Variants in HBP1 observed in about 807,000 individuals in gnomAD.
HBP1 encodes the protein HMG-box transcription factor 1.
HBP1 carries 20 observed loss-of-function variants against 62.6 expected under a neutral mutation model. The ratio of observed to expected loss-of-function variants is 0.32; its 90% CI spans 0.22 to 0.46. The LOEUF (loss-of-function observed/expected upper bound fraction) is 0.46. HBP1 is among the 20% of genes least tolerant of loss of function. HBP1 has a pLI of 1.00. For missense variants in HBP1, 480 were observed against 611.8 expected, an observed-to-expected ratio of 0.78 and a Z score of 2.27; for synonymous variants, 232 against 206.2, an observed-to-expected ratio of 1.12 and a Z score of -1.07.
chr7:107,184,430 T>C (rs1797253054), intron 3 of HBP1, among the ~76,000 whole-genome samples: 1 of 152,178 alleles, frequency 6.6e-6, no homozygotes, highest in South Asian at 2.1e-4. Context: ...AAAATGTTAA[T>C]GAGGATAAGG....
At chr7:107,171,097 G>C (rs1223571992) in intron 1 of HBP1, among the ~76,000 whole-genome samples, 2 of 86,444 alleles carry the variant, frequency 2.3e-5, no homozygotes, top group Non-Finnish European at 3.7e-5. Context: ...TTGAGAGGGA[G>C]TCTCGCTCTG....
intron 1 of HBP1, among the ~76,000 whole-genome samples, chr7:107,178,534 G>A (rs1796964531): frequency 1.3e-5 from 2 of 152,060 alleles, no homozygotes; most frequent in South Asian, 4.1e-4. Flanking sequence ...TAATTTTGTA[G>A]GCTTGCAGGT....
At chr7:107,175,676 A>C (rs1449813463) in intron 1 of HBP1, among the ~76,000 whole-genome samples, 1 of 148,512 alleles carries the variant, frequency 6.7e-6, no homozygotes, top group African/African-American at 2.5e-5. Flanking sequence ...ATATGAGTTT[A>C]CTCATGTGAG....
At position 107,195,863 on chromosome 7, in the gene HBP1, C is replaced by T; in HGVS notation, c.1097C>T (p.Ala366Val). Residue 366 changes from alanine (A) to valine (V), a missense_variant, in exon 9 of 11, where the codon GCA becomes GTA. Physicochemically the swap from Ala to Val is moderately conservative, Grantham distance 64. This residue lies in a region of HBP1 where 58 missense variants were observed against 128.5 expected (regional missense o/e 0.45). Coordinates refer to ENST00000222574, the MANE Select transcript of HBP1 (RefSeq NM_012257.4). ...SYDFTPMDSS[A>V]VYVLSSMARQ... ...GACTTCACACCTATGGATTCTTCTG[C>T]AGTTTATGTGTTAAGTAGTATGGCT... 6.2e-7 allele frequency: 1 copy of T among 1,602,824 alleles called. No homozygotes were observed. Among genetic ancestry groups the T allele is most frequent in the Non-Finnish European group, 8.5e-7 (1 of 1,170,566 alleles).
chr7:107,170,141 A>G lies in HBP1; in HGVS notation c.-16+956A>G, dbSNP rs998080115. On this transcript the variant is annotated intron_variant, in intron 1 of 10. Coordinates refer to ENST00000222574, the MANE Select transcript of HBP1 (RefSeq NM_012257.4). ...AGCACTGACAGCGAGGTAATACTCA[A>G]GTTTTCTGTTTGTTTTGTTTTTGGC... The G allele has an allele frequency of 2.5e-5, 25 of 985,222 alleles. No homozygotes were observed. In the East Asian group the frequency reaches 4.5e-4, roughly 18 times the overall value. The allele number at this position is 985,222 out of a possible 1,614,324, so 61.0% of individuals were successfully genotyped here.
At chr7:107,186,052 AT>A in intron 4 of HBP1, 110 bp downstream of exon 4, 1 of 777,676 alleles carries the variant, frequency 1.3e-6, no homozygotes, top group Non-Finnish European at 2.1e-6. Context: ...TCTGGATTTG[AT>A]TTTATATACA....
chr7:107,183,986 G>C (rs1797235002), intron 3 of HBP1, among the ~76,000 whole-genome samples: 1 of 152,176 alleles, frequency 6.6e-6, no homozygotes, highest in Admixed American at 6.5e-5. Context: ...AGAGAGAGAT[G>C]AAGAAATCAA....
At chr7:107,170,305 C>T (rs1226751940) in intron 1 of HBP1, among the ~76,000 whole-genome samples, 2 of 152,104 alleles carry the variant, frequency 1.3e-5, no homozygotes, top group Admixed American at 6.5e-5. Context: ...CGTAAGCACT[C>T]CTAATAGTGG....
At chr7:107,169,656 A>G (rs1036917533) in intron 1 of HBP1, 29 of 760,218 alleles carry the variant, frequency 3.8e-5, no homozygotes, top group Non-Finnish European at 4.5e-5. Context: ...TTCTGGACTG[A>G]GGGGGATTCT....
At chr7:107,188,165 C>T (rs1022776041) in intron 6 of HBP1, among the ~76,000 whole-genome samples, 1 of 152,160 alleles carries the variant, frequency 6.6e-6, no homozygotes, top group African/African-American at 2.4e-5. Flanking sequence ...CGTTATTTGC[C>T]AATCTATGTC....
chr7:107,196,268 G>C (rs748190752), intron 9 of HBP1, 117 bp downstream of exon 9: 52 of 763,094 alleles, frequency 6.8e-5, no homozygotes, highest in Middle Eastern at 6.8e-4. Context: ...CTCTTAGGTT[G>C]ACTTTTTTGT....
intron 1 of HBP1, among the ~76,000 whole-genome samples, chr7:107,172,244 A>G (rs1434086451): frequency 6.6e-6 from 1 of 152,158 alleles, no homozygotes; most frequent in African/African-American, 2.4e-5. Flanking sequence ...AATGTTTAGG[A>G]GTTTATCTTA....
chr7:107,187,676 C>T (rs576290941), intron 6 of HBP1, among the ~76,000 whole-genome samples: 1 of 152,296 alleles, frequency 6.6e-6, no homozygotes, highest in East Asian at 1.9e-4. Context: ...TAACTTTGGC[C>T]TCTACTACTC....
chr7:107,201,407 T>C lies in HBP1; in HGVS notation c.1528-7T>C. 6.4e-7 allele frequency: 1 copy of C among 1,564,078 alleles called. No individual in the cohort carries two copies. The highest frequency in any genetic ancestry group is 1.1e-5 in the South Asian group (1 of 89,466). On this transcript the variant is annotated splice_region_variant and splice_polypyrimidine_tract_variant and intron_variant, in intron 10 of 10. Coordinates refer to ENST00000222574, the MANE Select transcript of HBP1 (RefSeq NM_012257.4). ...AACATTCACTGAGTTTAATTTTATTTCCACAGGGCTCACAACAACATTAAA... is the reference window on the plus strand; with the variant it reads ...AACATTCACTGAGTTTAATTTTATTCCCACAGGGCTCACAACAACATTAAA...
At chr7:107,169,951 A>C (rs1488097350) in intron 1 of HBP1, 1 of 985,418 alleles carries the variant, frequency 1.0e-6, no homozygotes, top group African/African-American at 1.7e-5. Context: ...CTATGCTGCC[A>C]CCGCAGGCCG....
intron 9 of HBP1, among the ~76,000 whole-genome samples, chr7:107,199,591 G>T (rs1047583482): frequency 6.6e-6 from 1 of 152,156 alleles, no homozygotes; most frequent in Non-Finnish European, 1.5e-5. Context: ...TTTTATATGG[G>T]TGTCATGAAG....
intron 1 of HBP1, among the ~76,000 whole-genome samples, chr7:107,176,327 C>A: frequency 6.6e-6 from 1 of 152,048 alleles, no homozygotes; most frequent in East Asian, 1.9e-4. Flanking sequence ...CTAGCCCCTT[C>A]TTTTCTTTTA....
At chr7:107,172,515 A>G (rs192693351) in intron 1 of HBP1, among the ~76,000 whole-genome samples, 1 of 152,210 alleles carries the variant, frequency 6.6e-6, no homozygotes, top group Non-Finnish European at 1.5e-5. Context: ...GACTTATCTT[A>G]TATGACTCAT....
chr7:107,196,743 G>A (rs1797924094), intron 9 of HBP1: 1 of 156,514 alleles, frequency 6.4e-6, no homozygotes, highest in Admixed American at 6.2e-5. Flanking sequence ...GTATCTCCCA[G>A]GCTCAATCCT....
Sources: allele counts gnomAD v4.1 joint callset (sites outside exome capture counted in the v4.1 genomes callset), GRCh38; gene constraint gnomAD v4.1.1; regional missense constraint gnomAD v4.1.1; transcripts MANE v1.5; gene names NCBI Gene and HGNC (gene_info 2026-07-23, HGNC 2026-07-21).